Variants in MLPH observed in about 807,000 individuals in gnomAD.
MLPH encodes the protein melanophilin.
In MLPH, 51 loss-of-function variants were observed where a neutral mutation model predicts 72.1. The ratio of observed to expected loss-of-function variants is 0.71; its 90% CI spans 0.56 to 0.89. The LOEUF is 0.89. Ranked by LOEUF, MLPH falls within the 40% of genes least tolerant of loss-of-function variation. MLPH has a pLI of 0.00. For missense variants in MLPH, 743 were observed against 759.9 expected (o/e 0.98, Z 0.26); for synonymous variants, 301 against 310.1 (o/e 0.97, Z 0.31).
chr2:237,534,218 G>A (rs2080484308), intron 8 of MLPH, among the ~76,000 whole-genome samples: 1 of 152,164 alleles, frequency 6.6e-6, no homozygotes, highest in South Asian at 2.1e-4. Context: ...ATGTCTTCCT[G>A]TGCTGCTCGG....
chr2:237,535,887 A>G (rs1161074319), intron 9 of MLPH, among the ~76,000 whole-genome samples: 5 of 152,192 alleles, frequency 3.3e-5, no homozygotes, highest in African/African-American at 1.2e-4. Context: ...GAGTAGGGGT[A>G]ATGATCTTGA....
At chr2:237,525,504 TG>T in intron 6 of MLPH, 96 bp from the exon 7 acceptor site, 1 of 1,277,934 alleles carries the variant, frequency 7.8e-7, no homozygotes, top group Non-Finnish European at 1.1e-6. Flanking sequence ...GTCAAGTGCC[TG>T]GAAAGCCTCA....
At chr2:237,527,296 A>G in intron 7 of MLPH, 81 bp from the exon 8 acceptor site, 1 of 1,574,590 alleles carries the variant, frequency 6.4e-7, no homozygotes, top group Non-Finnish European at 8.7e-7. Flanking sequence ...TTTGAGCCTC[A>G]TTTTTCTTCA....
intron 10 of MLPH, 30 bp downstream of exon 10, chr2:237,540,563 G>T (rs75126541): frequency 6.3e-7 from 1 of 1,598,932 alleles, no homozygotes; most frequent in Non-Finnish European, 8.5e-7. Context: ...GTCTCAGCAG[G>T]ACCCTGCAGA....
chr2:237,510,344 T>A lies in MLPH; in HGVS notation c.111-230T>A. The A allele has an allele frequency of 1.7e-6, 1 of 604,658 alleles. No individual in the cohort carries two copies. The highest frequency in any genetic ancestry group is 4.5e-4 in the Middle Eastern group (1 of 2,230). The allele number at this position is 604,658 out of a possible 1,614,324, so 37.5% of individuals were successfully genotyped here. On this transcript the variant is annotated intron_variant, in intron 2 of 15. Transcript: ENST00000264605. This position sits in a 1 kb window ranked among gnomAD's most constrained non-coding sequence, Gnocchi z 4.4. Reference sequence around the variant, plus strand: ...ATATCATTTCTATGAAATTAACGTGTTTCCATTCCATTCCAGCCACCAAAA... The same window carrying A: ...ATATCATTTCTATGAAATTAACGTGATTCCATTCCATTCCAGCCACCAAAA...
At chr2:237,549,086 C>T in intron 13 of MLPH, 135 bp from the exon 14 acceptor site, 1 of 758,026 alleles carries the variant, frequency 1.3e-6, no homozygotes. Flanking sequence ...GCTAAAAGTT[C>T]AAATATTGCT....
chr2:237,501,013 C>A (rs753655176), intron 2 of MLPH, among the ~76,000 whole-genome samples: 1 of 143,104 alleles, frequency 7.0e-6, no homozygotes, highest in African/African-American at 3.0e-5. Flanking sequence ...CGGCTCATAA[C>A]CCCCACAGAG....
rs201830973 is a variant in MLPH, at chr2:237,525,792, T to G, written c.867T>G (p.Thr289=). 6.2e-7 allele frequency: 1 copy of G among 1,612,580 alleles called. No homozygotes were observed. The highest frequency in any genetic ancestry group is 8.5e-7 in the Non-Finnish European group (1 of 1,179,996). The change falls in exon 7 of 16, where the codon ACT becomes ACG. Residue 289 remains threonine, a synonymous_variant. Transcript: ENST00000264605. ...GCTCCCACAGGATGGCCCTGGGGAC[T>G]GCTGCTGCACTCGGTAGGTGCCCTT... The part of the protein sequence containing the change: ...PGGSHRMALG[T]AAALGSNVIR...
chr2:237,551,437 C>T (rs770905750), intron 14 of MLPH, among the ~76,000 whole-genome samples: 10 of 152,386 alleles, frequency 6.6e-5, no homozygotes, highest in South Asian at 2.1e-4. Flanking sequence ...TGTCACCGAG[C>T]GTGGGGTCAG....
At chr2:237,524,203 G>T (rs778121625) in intron 6 of MLPH, among the ~76,000 whole-genome samples, 1 of 151,522 alleles carries the variant, frequency 6.6e-6, no homozygotes, top group African/African-American at 2.4e-5. Context: ...CTAGTAAGGT[G>T]TCGGTTACTA....
At position 237,519,916 on chromosome 2, in the gene MLPH, C is replaced by A. The variant is rs377402911; in HGVS notation, c.562C>A (p.Arg188Ser). 2 of 1,613,996 alleles carry A rather than the reference C, an allele frequency of 1.2e-6. No homozygotes were observed. The highest frequency in any genetic ancestry group is 1.7e-6 in the Non-Finnish European group (2 of 1,180,028). The part of the protein sequence containing the change: ...QAQPFGSKKK[R>S]LLSVHDFDFE... ...CTGTCTTGTGCCTGCTAAGAAAAAG[C>A]GCCTCCTCTCCGTCCACGACTTCGA... The change falls in exon 6 of 16, where the codon CGC becomes AGC. Residue 188 changes from arginine to serine, a missense_variant. By Grantham distance (110) the Arg-to-Ser change is moderately radical. Transcript: ENST00000264605.
chr2:237,529,075 C>T (rs901202211), intron 8 of MLPH, among the ~76,000 whole-genome samples: 3 of 151,986 alleles, frequency 2.0e-5, no homozygotes, highest in East Asian at 1.9e-4. Context: ...AAGAGTGTTG[C>T]TCTGTTACCC....
At position 237,542,562 on chromosome 2, in the gene MLPH, C is replaced by T. The variant is rs151094004; in HGVS notation, c.1447-5C>T. The T allele has an allele frequency of 2.2e-5, 35 of 1,593,406 alleles. No individual in the cohort carries two copies. The East Asian group carries it at 4.5e-4, about 21-fold the overall frequency. ...ACGGGCCTTCTGTCTGCTGTCCTCTCGCAGGTTTCAGACATTGAATCCAGG... is the reference window on the plus strand; with the variant it reads ...ACGGGCCTTCTGTCTGCTGTCCTCTTGCAGGTTTCAGACATTGAATCCAGG... On this transcript the variant is annotated splice_region_variant and splice_polypyrimidine_tract_variant and intron_variant, in intron 11 of 15. Transcript: ENST00000264605.
At chr2:237,526,894 C>G (rs2080316217) in intron 7 of MLPH, among the ~76,000 whole-genome samples, 1 of 152,200 alleles carries the variant, frequency 6.6e-6, no homozygotes, top group Non-Finnish European at 1.5e-5. Flanking sequence ...GCTGTTAGAA[C>G]AAATCGCTTA....
At chr2:237,530,095 C>T (rs1273097992) in intron 8 of MLPH, among the ~76,000 whole-genome samples, 1 of 152,230 alleles carries the variant, frequency 6.6e-6, no homozygotes, top group Non-Finnish European at 1.5e-5. Context: ...TTTCGGTGCA[C>T]AGGACGACCT....
intron 4 of MLPH, among the ~76,000 whole-genome samples, chr2:237,515,166 G>C (rs879313237): frequency 2.6e-5 from 4 of 152,218 alleles, no homozygotes; most frequent in Admixed American, 2.0e-4. Flanking sequence ...CCCAGTCGAT[G>C]GTAGAATTGT....
Position 237,488,173 on chromosome 2 carries a change from T to C in MLPH, c.-25+736T>C, listed in dbSNP as rs1227545831. Among the ~76,000 whole-genome samples, 7 of 152,116 alleles carry C rather than the reference T, an allele frequency of 4.6e-5. 1 individual carries two copies. The highest frequency in any genetic ancestry group is 3.9e-4 in the Admixed American group (6 of 15,280). Reference sequence around the variant, plus strand: ...AACTTGGGACAGGTCCTTTTTTAGATGGTGTGACTGGTATCTTCTTCACTT... The same window carrying C: ...AACTTGGGACAGGTCCTTTTTTAGACGGTGTGACTGGTATCTTCTTCACTT... On this transcript the variant is annotated intron_variant, in intron 1 of 15. Transcript: ENST00000264605.
chr2:237,552,170 A>G, intron 14 of MLPH, 167 bp from the exon 15 acceptor site: 1 of 593,146 alleles, frequency 1.7e-6, no homozygotes, highest in Admixed American at 2.8e-5. Context: ...GATTTGCATG[A>G]CAGCTGAAAT....
intron 2 of MLPH, among the ~76,000 whole-genome samples, chr2:237,499,751 T>G (rs186599631): frequency 6.6e-6 from 1 of 152,270 alleles, no homozygotes; most frequent in African/African-American, 2.4e-5. Context: ...ACTTTTTTTT[T>G]GTTTGTTTTG....
Sources: allele counts gnomAD v4.1 joint callset (sites outside exome capture counted in the v4.1 genomes callset), GRCh38; gene constraint gnomAD v4.1.1; non-coding constraint Gnocchi (gnomAD v3.1); transcripts MANE v1.5; gene names NCBI Gene and HGNC (gene_info 2026-07-23, HGNC 2026-07-21).